PPARGC1A: variants seen among roughly 807,000 people sequenced by gnomAD.
The protein encoded by PPARGC1A is PPARG coactivator 1 alpha, also known as peroxisome proliferator-activated receptor gamma coactivator 1-alpha.
PPARGC1A carries 25 observed loss-of-function variants against 88.7 expected under a neutral mutation model. The observed-to-expected ratio is 0.28, with a 90% confidence interval of 0.21 to 0.39. The LOEUF is 0.39. Among genes scored for constraint, PPARGC1A ranks in the 10% least tolerant of loss-of-function variants. PPARGC1A has a pLI of 1.00. For missense variants in PPARGC1A, 880 were observed against 968.7 expected, an observed-to-expected ratio of 0.91 and a Z score of 1.22; for synonymous variants, 363 against 355.6, an observed-to-expected ratio of 1.02 and a Z score of -0.24.
upstream of PPARGC1A, among the ~76,000 whole-genome samples, chr4:23,893,238 T>C (rs148242229): frequency 2.5e-3 from 382 of 152,118 alleles, 2 homozygotes; most frequent in African/African-American, 8.7e-3. Flanking sequence ...GACTGAAGTG[T>C]ATAACATTTG....
At chr4:23,859,730 G>A (rs886186918) in intron 2 of PPARGC1A, among the ~76,000 whole-genome samples, 53 of 151,568 alleles carry the variant, frequency 3.5e-4, no homozygotes, top group African/African-American at 1.2e-3. Context: ...GCAGTGAGCC[G>A]AGATGGCACC....
chr4:24,450,193 A>T, the PPARGC1A span, among the ~76,000 whole-genome samples: 2 of 152,184 alleles, frequency 1.3e-5, no homozygotes, highest in Admixed American at 1.3e-4. Context: ...TCTCGTAAAC[A>T]TGGTTAGCCT....
At chr4:23,973,320 C>G in the PPARGC1A span, among the ~76,000 whole-genome samples, 4 of 152,342 alleles carry the variant, frequency 2.6e-5, no homozygotes, top group Middle Eastern at 3.4e-3. Flanking sequence ...TCTCCAAAGG[C>G]TTTCAGACTT....
At chr4:24,222,479 G>A in the PPARGC1A span, among the ~76,000 whole-genome samples, 4 of 152,314 alleles carry the variant, frequency 2.6e-5, no homozygotes, top group Non-Finnish European at 5.9e-5. Flanking sequence ...AAGTGATTGC[G>A]ATTTTGTCCA....
the PPARGC1A span, among the ~76,000 whole-genome samples, chr4:24,212,406 T>C: frequency 6.6e-6 from 1 of 152,230 alleles, no homozygotes; most frequent in Non-Finnish European, 1.5e-5. Context: ...TGACATGTAT[T>C]AGCTGTGTGA....
the PPARGC1A span, among the ~76,000 whole-genome samples, chr4:24,196,550 G>A: frequency 6.6e-6 from 1 of 152,174 alleles, no homozygotes; most frequent in South Asian, 2.1e-4. Context: ...GACTCATGAC[G>A]GACCTCCAGT....
chr4:23,897,659 T>G (rs1242640215), intron 1 of PPARGC1A, among the ~76,000 whole-genome samples: 1 of 152,232 alleles, frequency 6.6e-6, no homozygotes, highest in Admixed American at 6.5e-5. Flanking sequence ...TCAGTGTTGC[T>G]GAAAGAGCAC....
the PPARGC1A span, among the ~76,000 whole-genome samples, chr4:24,258,949 A>G: frequency 2.8e-4 from 42 of 152,326 alleles, no homozygotes; most frequent in Middle Eastern, 3.4e-3. Context: ...ACAAAAATGT[A>G]TATGACATAG....
chr4:24,274,552 A>G, the PPARGC1A span, among the ~76,000 whole-genome samples: 1 of 152,198 alleles, frequency 6.6e-6, no homozygotes, highest in African/African-American at 2.4e-5. Context: ...TCTACACTGA[A>G]ATTGAATTCC....
the PPARGC1A span, among the ~76,000 whole-genome samples, chr4:24,355,428 C>T: frequency 3.5e-4 from 54 of 152,296 alleles, no homozygotes; most frequent in Middle Eastern, 0.01. Context: ...AGCTGCTGCT[C>T]ATATCTTCTT....
At chr4:24,146,212 A>T in the PPARGC1A span, among the ~76,000 whole-genome samples, 2 of 152,264 alleles carry the variant, frequency 1.3e-5, no homozygotes, top group East Asian at 3.8e-4. Context: ...CTATTAGTCC[A>T]TTAAAACAAG....
the PPARGC1A span, among the ~76,000 whole-genome samples, chr4:24,153,933 A>T: frequency 6.6e-6 from 1 of 152,172 alleles, no homozygotes; most frequent in Non-Finnish European, 1.5e-5. Flanking sequence ...AGGTAGAGAA[A>T]ATATGAGAAA....
chr4:24,306,588 G>C, the PPARGC1A span, among the ~76,000 whole-genome samples: 1 of 152,136 alleles, frequency 6.6e-6, no homozygotes, highest in African/African-American at 2.4e-5. Context: ...GGTGATATAC[G>C]GCTTGATTGA....
the PPARGC1A span, among the ~76,000 whole-genome samples, chr4:24,175,176 C>T: frequency 1.3e-5 from 2 of 152,026 alleles, no homozygotes; most frequent in Non-Finnish European, 2.9e-5. Context: ...AAATGGACCC[C>T]AAGGAGCTAT....
the PPARGC1A span, among the ~76,000 whole-genome samples, chr4:24,012,454 C>T: frequency 1.3e-5 from 2 of 152,112 alleles, no homozygotes; most frequent in African/African-American, 4.8e-5. Context: ...TTCTACCTGG[C>T]CTATCCTATG....
At chr4:24,117,736 T>C in the PPARGC1A span, among the ~76,000 whole-genome samples, 1 of 151,874 alleles carries the variant, frequency 6.6e-6, no homozygotes, top group Non-Finnish European at 1.5e-5. Context: ...AATGGAAAAG[T>C]CCTTTACAGA....
chr4:24,175,352 G>GTT, the PPARGC1A span, among the ~76,000 whole-genome samples: 1 of 118,568 alleles, frequency 8.4e-6, no homozygotes, highest in Admixed American at 8.3e-5. Flanking sequence ...GCGGGTTTTT[G>GTT]TTTTTTTTTT....
the PPARGC1A span, among the ~76,000 whole-genome samples, chr4:24,401,942 A>C: frequency 0.015 from 2,325 of 152,358 alleles, 56 homozygotes; most frequent in African/African-American, 0.053. Context: ...TGTAAAAAGC[A>C]GTGCTGGGAC....
the PPARGC1A span, among the ~76,000 whole-genome samples, chr4:24,003,337 C>G: frequency 6.6e-6 from 1 of 152,086 alleles, no homozygotes; most frequent in Admixed American, 6.6e-5. Context: ...CTCCTTCAGC[C>G]TCTGGGAACT....
Sources: allele counts gnomAD v4.1 joint callset (sites outside exome capture counted in the v4.1 genomes callset), GRCh38; gene constraint gnomAD v4.1.1; transcripts MANE v1.5; gene names NCBI Gene and HGNC (gene_info 2026-07-23, HGNC 2026-07-21).